Variants in GTF2B observed in about 807,000 individuals in gnomAD.
GTF2B encodes transcription initiation factor IIB.
GTF2B carries 20 observed loss-of-function variants against 34.6 expected under a neutral mutation model. The ratio of observed to expected loss-of-function variants is 0.58; its 90% CI spans 0.41 to 0.84. The LOEUF is 0.84. Among genes scored for constraint, GTF2B ranks in the 40% least tolerant of loss-of-function variants. The pLI is 0.00. For missense variants in GTF2B, 237 were observed against 393.3 expected, an observed-to-expected ratio of 0.60 and a Z score of 3.36; for synonymous variants, 142 against 132.4, an observed-to-expected ratio of 1.07 and a Z score of -0.50.
chr1:88,887,080 G>A (rs537020037), intron 2 of GTF2B, among the ~76,000 whole-genome samples, 181 bp downstream of exon 2: 2 of 152,036 alleles, frequency 1.3e-5, no homozygotes, highest in African/African-American at 2.4e-5. Context: ...CACTACGCCC[G>A]GCTAGTTTTT....
intron 2 of GTF2B, among the ~76,000 whole-genome samples, chr1:88,874,074 C>T (rs1673760061): frequency 6.6e-6 from 1 of 152,082 alleles, no homozygotes; most frequent in Admixed American, 6.5e-5. Flanking sequence ...GAATCGCAAA[C>T]AAAGACAAAT....
intron 1 of GTF2B, among the ~76,000 whole-genome samples, chr1:88,888,883 G>C (rs1457313790): frequency 6.6e-6 from 1 of 152,208 alleles, no homozygotes; most frequent in Non-Finnish European, 1.5e-5. Context: ...TTTTCTCAAA[G>C]GAGGGGGAAT....
At chr1:88,874,619 G>C (rs1198346221) in intron 2 of GTF2B, among the ~76,000 whole-genome samples, 1 of 148,604 alleles carries the variant, frequency 6.7e-6, no homozygotes, top group Non-Finnish European at 1.5e-5. Context: ...TCAGGATTAC[G>C]GCACAAGCCC....
intron 2 of GTF2B, among the ~76,000 whole-genome samples, chr1:88,881,527 C>A (rs997018202): frequency 2.6e-5 from 4 of 152,096 alleles, no homozygotes; most frequent in African/African-American, 9.7e-5. Flanking sequence ...ACTTAATTTG[C>A]TTGATGATAG....
intron 2 of GTF2B, among the ~76,000 whole-genome samples, chr1:88,871,856 C>G (rs374535504): frequency 2.6e-4 from 39 of 152,132 alleles, no homozygotes; most frequent in African/African-American, 9.4e-4. Context: ...TTCAGCCTCC[C>G]GAGTAGCTGG....
chr1:88,864,205 C>CA lies in GTF2B; in HGVS notation c.125-92dup, dbSNP rs143454594. ...ATGCCCAACTAAGCCATTTTATTCC[C>CA]AGGAAATCTCAACATGGACATCTAG... On this transcript the variant is annotated intron_variant, in intron 2 of 6. Coordinates refer to ENST00000370500, the MANE Select transcript of GTF2B (RefSeq NM_001514.6). 6.9e-3 allele frequency: 7,956 copies of CA among 1,156,744 alleles called. 214 individuals are homozygous for CA. Among genetic ancestry groups the CA allele is most frequent in the Admixed American group, 0.048 (2,674 of 56,206 alleles). 71.7% of individuals were successfully genotyped at this position (1,156,744 alleles called of 1,614,324 possible).
intron 2 of GTF2B, among the ~76,000 whole-genome samples, chr1:88,874,190 TGC>T (rs1673761938): frequency 6.6e-6 from 1 of 152,168 alleles, no homozygotes; most frequent in African/African-American, 2.4e-5. Flanking sequence ...CAGGGGAAAT[TGC>T]AACACACCAA....
intron 2 of GTF2B, among the ~76,000 whole-genome samples, chr1:88,867,444 C>G (rs11810612): frequency 0.087 from 13,278 of 152,120 alleles, 1,343 homozygotes; most frequent in African/African-American, 0.25. Context: ...TGTCCAAAGA[C>G]AGAAAAGACA....
Position 88,871,817 on chromosome 1 carries a change from C to A in GTF2B, c.125-7703G>T, listed in dbSNP as rs575424031. Among the ~76,000 whole-genome samples, 3 of 152,214 alleles carry A rather than the reference C, an allele frequency of 2.0e-5. No homozygotes were observed. In the South Asian group the frequency reaches 6.2e-4, roughly 32 times the overall value. Reference sequence around the variant, plus strand: ...GGTAATCTCAGCTCACGGCAACCTCCGCCTTGCAGGTTCAAGCAATTCTCC... The same window carrying A: ...GGTAATCTCAGCTCACGGCAACCTCAGCCTTGCAGGTTCAAGCAATTCTCC... On this transcript the variant is annotated intron_variant, in intron 2 of 6. Transcript: ENST00000370500.
chr1:88,853,889 G>A (rs1412966397), intron 6 of GTF2B, among the ~76,000 whole-genome samples: 1 of 152,060 alleles, frequency 6.6e-6, no homozygotes, highest in Admixed American at 6.6e-5. Flanking sequence ...AAAAAAAGTG[G>A]GAGCTAAAGT....
chr1:88,854,918 G>A (rs116256896), intron 6 of GTF2B, among the ~76,000 whole-genome samples: 83 of 152,262 alleles, frequency 5.5e-4, no homozygotes, highest in African/African-American at 1.9e-3. Context: ...TTAAATTTCC[G>A]TATCTCACAC....
intron 5 of GTF2B, among the ~76,000 whole-genome samples, chr1:88,858,179 T>G (rs1673361099): frequency 1.3e-5 from 2 of 151,832 alleles, no homozygotes; most frequent in Non-Finnish European, 2.9e-5. Context: ...TTTTGTATTT[T>G]TAGTAGAGAT....
Position 88,887,657 on chromosome 1 carries a change from T to C in GTF2B, c.18-290A>G, listed in dbSNP as rs111361107. On this transcript the variant is annotated intron_variant, in intron 1 of 6. Coordinates refer to ENST00000370500, the MANE Select transcript of GTF2B (RefSeq NM_001514.6). Reference sequence around the variant, plus strand: ...TCAATATGTATGCCAGTAAGACTTTTAGAAATGTTGATTAGTATAGTAATG... The same window carrying C: ...TCAATATGTATGCCAGTAAGACTTTCAGAAATGTTGATTAGTATAGTAATG... 1,280 of 344,474 alleles carry C rather than the reference T, an allele frequency of 3.7e-3. 15 individuals are homozygous for C. The highest frequency in any genetic ancestry group is 0.025 in the African/African-American group (1,149 of 46,206). The allele number at this position is 344,474 out of a possible 1,614,324, so 21.3% of individuals were successfully genotyped here. A position where few individuals can be genotyped will look rare whatever the true frequency, so the allele number is the denominator to read the frequency against.
At chr1:88,872,254 GAC>G (rs1244586125) in intron 2 of GTF2B, among the ~76,000 whole-genome samples, 1 of 151,700 alleles carries the variant, frequency 6.6e-6, no homozygotes, top group African/African-American at 2.4e-5. Flanking sequence ...AAGAGTTTGA[GAC>G]AAGCCTGACC....
At chr1:88,888,202 T>C (rs1398831974) in intron 1 of GTF2B, among the ~76,000 whole-genome samples, 2 of 152,188 alleles carry the variant, frequency 1.3e-5, no homozygotes, top group African/African-American at 2.4e-5. Flanking sequence ...GGACATCAGA[T>C]ACACGTAAAA....
intron 6 of GTF2B, among the ~76,000 whole-genome samples, chr1:88,855,601 C>T (rs986319230): frequency 7.2e-5 from 11 of 152,000 alleles, no homozygotes; most frequent in African/African-American, 2.7e-4. Context: ...AATCCACTCA[C>T]CTTGGCCTCC....
rs1295618595 is a variant in GTF2B, at chr1:88,863,998, A to G, written c.241T>C (p.Ser81Pro). Reference protein sequence around the residue: ...QNPLLSDGDLSTMIGKGTGAA... With the variant: ...QNPLLSDGDLPTMIGKGTGAA... ...CTTATTACCTTGCCAATCATGGTAG[A>G]CAAATCTCCATCACTCAGAAGAGGA... The change falls in exon 3 of 7, where the codon TCT becomes CCT. Residue 81 changes from serine (S) to proline (P), a missense_variant. Coordinates refer to ENST00000370500, the MANE Select transcript of GTF2B (RefSeq NM_001514.6). The G allele has an allele frequency of 1.2e-6, 2 of 1,613,872 alleles. No homozygotes were observed.
intron 6 of GTF2B, among the ~76,000 whole-genome samples, chr1:88,853,851 C>T (rs966154335): frequency 1.3e-5 from 2 of 152,068 alleles, no homozygotes; most frequent in South Asian, 4.1e-4. Flanking sequence ...ATAAAGCATT[C>T]ATAATACTTA....
chr1:88,874,875 G>A (rs1158399613), intron 2 of GTF2B, among the ~76,000 whole-genome samples: 4 of 151,610 alleles, frequency 2.6e-5, no homozygotes, highest in Admixed American at 6.6e-5. Context: ...GAATCTGAAC[G>A]TATTATTATT....
Sources: allele counts gnomAD v4.1 joint callset (sites outside exome capture counted in the v4.1 genomes callset), GRCh38; gene constraint gnomAD v4.1.1; transcripts MANE v1.5; gene names NCBI Gene and HGNC (gene_info 2026-07-23, HGNC 2026-07-21).